The following DLGAP2 variants were observed in gnomAD, a reference collection of about 807,000 sequenced individuals.
DLGAP2 encodes the protein disks large-associated protein 2.
DLGAP2 carries 26 observed loss-of-function variants against 100.3 expected under a neutral mutation model. The ratio of observed to expected loss-of-function variants is 0.26; its 90% CI spans 0.19 to 0.36. The LOEUF (loss-of-function observed/expected upper bound fraction) is 0.36, where lower values mean the gene tolerates loss of function less well. DLGAP2 is among the 10% of genes least tolerant of loss of function. DLGAP2 has a pLI of 1.00. For missense variants in DLGAP2, 1,858 were observed against 1,453.2 expected (o/e 1.28, Z -4.53); for synonymous variants, 886 against 630.1 (o/e 1.41, Z -6.08).
intron 1 of DLGAP2, among the ~76,000 whole-genome samples, chr8:842,031 A>T (rs572569110): frequency 1.3e-5 from 2 of 152,076 alleles, no homozygotes; most frequent in African/African-American, 4.8e-5. Flanking sequence ...TACCTTTCTC[A>T]CATGCTCCCC....
intron 2 of DLGAP2, among the ~76,000 whole-genome samples, chr8:1,164,201 G>A (rs11988685): frequency 5.2e-4 from 12 of 22,864 alleles, no homozygotes; most frequent in Non-Finnish European, 7.1e-4. Flanking sequence ...TTTTCTGTGA[G>A]CCCCCAGGGC....
chr8:971,732 G>C (rs1800019883), intron 2 of DLGAP2, among the ~76,000 whole-genome samples: 1 of 152,178 alleles, frequency 6.6e-6, no homozygotes. Flanking sequence ...TGTATTCTGA[G>C]CAAGGCCTGC....
At chr8:1,297,240 A>G (rs564751426) in intron 3 of DLGAP2, 1 of 152,382 alleles carries the variant, frequency 6.6e-6, no homozygotes, top group Admixed American at 6.5e-5. Context: ...TGTGAAAGGC[A>G]TGCATTTGTA....
At chr8:1,519,063 C>T (rs1032841790) in intron 4 of DLGAP2, among the ~76,000 whole-genome samples, 2 of 152,104 alleles carry the variant, frequency 1.3e-5, no homozygotes, top group African/African-American at 4.8e-5. Context: ...GCCTGTGGTC[C>T]CTGCCGTGAA....
At chr8:975,319 A>G (rs1330262342) in intron 2 of DLGAP2, among the ~76,000 whole-genome samples, 1 of 152,212 alleles carries the variant, frequency 6.6e-6, no homozygotes, top group Non-Finnish European at 1.5e-5. Flanking sequence ...ATATTTAAGG[A>G]AGATAATTAT....
intron 6 of DLGAP2, among the ~76,000 whole-genome samples, chr8:1,591,141 G>T (rs948085292): frequency 6.6e-6 from 1 of 152,204 alleles, no homozygotes; most frequent in Non-Finnish European, 1.5e-5. Context: ...CCAGCCCTTA[G>T]CCCTGTCCAG....
chr8:1,363,319 C>T (rs1354614558), intron 3 of DLGAP2, among the ~76,000 whole-genome samples: 1 of 151,892 alleles, frequency 6.6e-6, no homozygotes, highest in Non-Finnish European at 1.5e-5. Context: ...AGGTCCCACG[C>T]CCGTGGCATG....
intron 3 of DLGAP2, among the ~76,000 whole-genome samples, chr8:1,420,195 C>A (rs1208480562): frequency 6.6e-6 from 1 of 152,128 alleles, no homozygotes; most frequent in African/African-American, 2.4e-5. Flanking sequence ...TGAGGCTCTC[C>A]AGGGTCCAGC....
chr8:1,431,876 C>A (rs1169601264), intron 3 of DLGAP2, among the ~76,000 whole-genome samples: 1 of 152,176 alleles, frequency 6.6e-6, no homozygotes, highest in Non-Finnish European at 1.5e-5. Flanking sequence ...ACCCAGCACC[C>A]CATGCCAGCC....
chr8:1,632,782 G>A lies in DLGAP2; in HGVS notation c.1591-45G>A, dbSNP rs545731381. On this transcript the variant is annotated intron_variant, in intron 7 of 14. Transcript: ENST00000637795. ...CCTGGCTTTTCTGTAACGTGATGGT[G>A]ACCCTGGAGGGCCGGGGCATCACGT... 60 of 1,540,700 alleles carry A rather than the reference G, an allele frequency of 3.9e-5. 1 individual carries two copies. In the South Asian group the frequency reaches 6.9e-4, roughly 18 times the overall value.
intron 3 of DLGAP2, among the ~76,000 whole-genome samples, chr8:1,471,680 G>A (rs1235946677): frequency 8.3e-6 from 1 of 120,872 alleles, no homozygotes; most frequent in Non-Finnish European, 1.8e-5. Context: ...TATGAGCATG[G>A]GAAATGCCTC....
chr8:1,170,510 T>C (rs1173934676), intron 2 of DLGAP2, among the ~76,000 whole-genome samples: 1 of 151,634 alleles, frequency 6.6e-6, no homozygotes. Flanking sequence ...ATCCATCTGG[T>C]CCTGGACTCT....
chr8:1,594,997 C>T (rs1796406101), intron 6 of DLGAP2, among the ~76,000 whole-genome samples: 1 of 152,052 alleles, frequency 6.6e-6, no homozygotes, highest in African/African-American at 2.4e-5. Flanking sequence ...ATCTTGAATC[C>T]ATACACACTG....
At chr8:1,193,650 G>A (rs1376789) in intron 2 of DLGAP2, among the ~76,000 whole-genome samples, 45 of 152,174 alleles carry the variant, frequency 3.0e-4, no homozygotes, top group African/African-American at 8.9e-4. Context: ...TCCCTGGCAC[G>A]GCTGTTTCTG....
chr8:1,245,737 T>C (rs1370757496), intron 2 of DLGAP2, among the ~76,000 whole-genome samples: 1 of 152,162 alleles, frequency 6.6e-6, no homozygotes, highest in Non-Finnish European at 1.5e-5. Flanking sequence ...GTGAATGATA[T>C]CTGAATAAAG....
intron 3 of DLGAP2, among the ~76,000 whole-genome samples, chr8:1,362,337 T>G (rs1346156591): frequency 1.5e-5 from 2 of 129,626 alleles, no homozygotes; most frequent in Non-Finnish European, 3.2e-5. Context: ...GTCCTGCCAC[T>G]TACAGCTCTT....
chr8:1,138,223 G>A (rs1796457454), intron 2 of DLGAP2, among the ~76,000 whole-genome samples: 1 of 152,210 alleles, frequency 6.6e-6, no homozygotes, highest in Admixed American at 6.5e-5. Flanking sequence ...TTTCCTCAAT[G>A]CTCCCTGAGT....
intron 6 of DLGAP2, 148 bp from the exon 7 acceptor site, chr8:1,626,592 C>G: frequency 1.0e-6 from 1 of 955,482 alleles, no homozygotes; most frequent in South Asian, 1.6e-5. Flanking sequence ...AGCAGGTGCT[C>G]AGCCTCTGGG....
chr8:1,542,036 C>T (rs539995690), intron 4 of DLGAP2, among the ~76,000 whole-genome samples: 3 of 152,210 alleles, frequency 2.0e-5, no homozygotes. Context: ...CAGGAAACAG[C>T]TTCAGCCACA....
Sources: gnomAD v4.1 joint callset for allele counts (sites outside exome capture counted in the v4.1 genomes callset) on GRCh38, gnomAD v4.1.1 for gene constraint, MANE v1.5 for transcripts, NCBI Gene and HGNC (gene_info 2026-07-23, HGNC 2026-07-21) for gene names.